KHDRBS2: variants seen among roughly 807,000 people sequenced by gnomAD.
KHDRBS2 encodes the protein KH domain-containing, RNA-binding, signal transduction-associated protein 2.
A neutral mutation model predicts 44.3 loss-of-function variants in KHDRBS2; 26 were observed. That is an observed-to-expected ratio of 0.59 (90% CI 0.43 to 0.81). KHDRBS2 has a LOEUF of 0.81. Among genes scored for constraint, KHDRBS2 ranks in the 40% least tolerant of loss-of-function variants. KHDRBS2 has a pLI of 0.00. For missense variants in KHDRBS2, 476 were observed against 433.1 expected (o/e 1.10, Z -0.88); for synonymous variants, 194 against 151.1 (o/e 1.28, Z -2.08).
At chr6:62,104,632 G>C (rs1438278806) in intron 2 of KHDRBS2, among the ~76,000 whole-genome samples, 1 of 151,696 alleles carries the variant, frequency 6.6e-6, no homozygotes, top group Admixed American at 6.6e-5. Flanking sequence ...CAGAATTTGT[G>C]GCATATCACC....
At chr6:61,804,639 T>A (rs539972753) in intron 6 of KHDRBS2, among the ~76,000 whole-genome samples, 1 of 152,212 alleles carries the variant, frequency 6.6e-6, no homozygotes, top group African/African-American at 2.4e-5. Context: ...TAGGTGGAGG[T>A]TCCCAAACCT....
the KHDRBS2 span, among the ~76,000 whole-genome samples, chr6:61,544,193 C>T: frequency 6.6e-6 from 1 of 151,762 alleles, no homozygotes; most frequent in Non-Finnish European, 1.5e-5. Context: ...GCATTGTATG[C>T]CTGTATCAAA....
intron 3 of KHDRBS2, 41 bp downstream of exon 3, chr6:62,047,837 A>G: frequency 7.8e-7 from 1 of 1,289,010 alleles, no homozygotes. Context: ...GTTATAGGTA[A>G]CCTCCTGAAT....
At chr6:61,956,639 T>C (rs1456188287) in intron 4 of KHDRBS2, among the ~76,000 whole-genome samples, 5 of 152,056 alleles carry the variant, frequency 3.3e-5, no homozygotes, top group African/African-American at 1.2e-4. Context: ...ATCAGTCTAG[T>C]GTTTAAAAAA....
intron 7 of KHDRBS2, among the ~76,000 whole-genome samples, chr6:61,710,789 C>T (rs146643825): frequency 7.8e-6 from 1 of 128,528 alleles, no homozygotes; most frequent in Non-Finnish European, 1.7e-5. Flanking sequence ...CTCATTGTAC[C>T]TGAGCTCTTT....
intron 2 of KHDRBS2, among the ~76,000 whole-genome samples, chr6:62,154,509 G>T (rs1212979970): frequency 1.3e-5 from 2 of 152,002 alleles, no homozygotes; most frequent in Non-Finnish European, 2.9e-5. Context: ...AAAAAAAGTA[G>T]GGTTCTGATT....
At chr6:62,062,054 G>T (rs1283368288) in intron 2 of KHDRBS2, among the ~76,000 whole-genome samples, 2 of 151,474 alleles carry the variant, frequency 1.3e-5, no homozygotes, top group Non-Finnish European at 1.5e-5. Flanking sequence ...ATGGTAAAGG[G>T]ATCAATTCAA....
chr6:61,695,202 C>T (rs1443434694), intron 8 of KHDRBS2, among the ~76,000 whole-genome samples: 10 of 147,634 alleles, frequency 6.8e-5, no homozygotes, highest in Non-Finnish European at 1.5e-4. Context: ...GTCTACTGAA[C>T]CCTGCTCCCA....
chr6:61,964,402 T>C (rs1178789659), intron 4 of KHDRBS2, among the ~76,000 whole-genome samples: 1 of 152,064 alleles, frequency 6.6e-6, no homozygotes, highest in Non-Finnish European at 1.5e-5. Context: ...AGCTTTGATT[T>C]CTGACTTCAG....
chr6:61,701,385 A>G (rs1768633456), intron 7 of KHDRBS2, among the ~76,000 whole-genome samples: 1 of 151,962 alleles, frequency 6.6e-6, no homozygotes, highest in South Asian at 2.1e-4. Context: ...GAAGCTAGTT[A>G]CTTCTCTATT....
intron 8 of KHDRBS2, among the ~76,000 whole-genome samples, chr6:61,684,785 T>A (rs1007960903): frequency 5.3e-5 from 8 of 151,738 alleles, no homozygotes; most frequent in African/African-American, 1.9e-4. Flanking sequence ...TAATTGTGAA[T>A]CTGAAAATAG....
At chr6:61,616,376 G>T in the KHDRBS2 span, among the ~76,000 whole-genome samples, 1 of 151,826 alleles carries the variant, frequency 6.6e-6, no homozygotes, top group Non-Finnish European at 1.5e-5. Context: ...AAATAATTGG[G>T]CAGTGGTTAG....
intron 6 of KHDRBS2, among the ~76,000 whole-genome samples, chr6:61,889,106 A>G (rs1801418399): frequency 6.6e-6 from 1 of 152,204 alleles, no homozygotes; most frequent in African/African-American, 2.4e-5. Context: ...AATATTATAT[A>G]TGATAAAATT....
In KHDRBS2 at chr6:62,286,167, C is replaced by G. The variant is rs2150200869; in HGVS notation, c.-219G>C. ...CCTGCCCGTCCCTTCCGTCGTCCCT[C>G]GCTCGCGCAGAGCCCCGGCTCACAC... is the stretch of plus-strand genomic sequence containing the variant. On this transcript the variant is annotated 5_prime_UTR_variant, in exon 1 of 9. Transcript: ENST00000281156. The G allele has an allele frequency of 7.3e-6, 4 of 548,482 alleles. No homozygotes were observed. The highest frequency in any genetic ancestry group is 2.3e-5 in the South Asian group (1 of 44,210). 34.0% of individuals were successfully genotyped at this position (548,482 alleles called of 1,614,324 possible). A position where few individuals can be genotyped will look rare whatever the true frequency, so the allele number is the denominator to read the frequency against.
chr6:61,792,681 CA>C (rs977757104), intron 6 of KHDRBS2, among the ~76,000 whole-genome samples: 3 of 151,362 alleles, frequency 2.0e-5, no homozygotes, highest in Admixed American at 6.6e-5. Context: ...GAAAACACAC[CA>C]AAAAAACTTT....
chr6:61,624,073 A>AAGT, the KHDRBS2 span, among the ~76,000 whole-genome samples: 1 of 152,236 alleles, frequency 6.6e-6, no homozygotes, highest in East Asian at 1.9e-4. Context: ...TCTGGGGTAG[A>AAGT]AGTAGCAGAA....
intron 6 of KHDRBS2, among the ~76,000 whole-genome samples, chr6:61,861,232 T>A (rs1373106313): frequency 6.6e-6 from 1 of 152,152 alleles, no homozygotes; most frequent in Non-Finnish European, 1.5e-5. Flanking sequence ...ATCCCACTGG[T>A]CAATTATTTG....
At chr6:61,857,817 C>A (rs926345342) in intron 6 of KHDRBS2, among the ~76,000 whole-genome samples, 5 of 151,814 alleles carry the variant, frequency 3.3e-5, no homozygotes, top group African/African-American at 1.2e-4. Context: ...TATCCAATAA[C>A]CTCCTTTATT....
At position 61,978,195 on chromosome 6, in the gene KHDRBS2, C is replaced by T. The variant is rs1411024558; in HGVS notation, c.354G>A (p.Lys118=). The part of the protein sequence containing the change: ...RDKAKEEELR[K]SGEAKYAHLS... ...AGTGGGCATATTTGGCTTCCCCACT[C>T]TTCCTTAGTTCTTCTTCCTGTGAAA... The change falls in exon 4 of 9, where the codon AAG becomes AAA. Residue 118 remains lysine (K), a synonymous_variant. Coordinates refer to ENST00000281156, the MANE Select transcript of KHDRBS2 (RefSeq NM_152688.4). 6.2e-7 allele frequency: 1 copy of T among 1,606,376 alleles called. No homozygotes were observed. Among genetic ancestry groups the T allele is most frequent in the Non-Finnish European group, 8.5e-7 (1 of 1,177,044 alleles).
Sources: allele counts gnomAD v4.1 joint callset (sites outside exome capture counted in the v4.1 genomes callset), GRCh38; gene constraint gnomAD v4.1.1; transcripts MANE v1.5; gene names NCBI Gene and HGNC (gene_info 2026-07-23, HGNC 2026-07-21).